The following SCRIB variants were observed in gnomAD, a reference collection of about 807,000 sequenced individuals.
SCRIB encodes protein scribble homolog.
SCRIB carries 72 observed loss-of-function variants against 170.0 expected under a neutral mutation model. The ratio of observed to expected loss-of-function variants is 0.42; its 90% CI spans 0.35 to 0.52. The LOEUF (loss-of-function observed/expected upper bound fraction) is 0.52. SCRIB is among the 20% of genes least tolerant of loss of function. The probability of loss-of-function intolerance (pLI) is 0.02; values close to 1 mark genes in which losing one functional copy is unlikely to be tolerated. For missense variants in SCRIB, 2,475 were observed against 2,338.5 expected (o/e 1.06, Z -1.20); for synonymous variants, 1,298 against 1,044.3 (o/e 1.24, Z -4.68).
At chr8:143,802,022 C>T (rs565692490) in intron 24 of SCRIB, among the ~76,000 whole-genome samples, 5 of 152,246 alleles carry the variant, frequency 3.3e-5, no homozygotes, top group Non-Finnish European at 5.9e-5. Flanking sequence ...TGAGGGAGCT[C>T]GCTCCCTCTC....
intron 34 of SCRIB, 67 bp downstream of exon 34, chr8:143,791,809 G>GA: frequency 6.8e-7 from 1 of 1,470,640 alleles, no homozygotes; most frequent in Non-Finnish European, 9.3e-7. Context: ...CCACGGGGGT[G>GA]GGGGCAGGCC....
rs782790749 is a variant in SCRIB, at chr8:143,805,000, G to A, written c.2685C>T (p.Ser895=). The A allele has an allele frequency of 1.9e-6, 3 of 1,586,450 alleles. No individual in the cohort carries two copies. Among genetic ancestry groups the A allele is most frequent in the South Asian group, 2.3e-5 (2 of 87,552 alleles). The change falls in exon 20 of 37, where the codon TCC becomes TCT. Residue 895 remains serine, a synonymous_variant. Transcript: ENST00000356994. ...GAGCAGCACCGCCCTCGGCAATGCG[G>A]GAGACGAAGATGCCCTGCAGGGGAG... ...YRAGDAGIFV[S]RIAEGGAAHR... is the part of the protein sequence containing the mutation.
intron 25 of SCRIB, 36 bp from the exon 26 acceptor site, chr8:143,795,369 C>A: frequency 6.2e-7 from 1 of 1,612,498 alleles, no homozygotes; most frequent in Non-Finnish European, 8.5e-7. Context: ...TCAGGCACCA[C>A]CGGCCTCGGG....
At chr8:143,799,934 G>C (rs1815105503) in intron 24 of SCRIB, among the ~76,000 whole-genome samples, 1 of 152,090 alleles carries the variant, frequency 6.6e-6, no homozygotes, top group African/African-American at 2.4e-5. Context: ...ACAGAACCCA[G>C]TGGGCAAACC....
At chr8:143,812,615 C>T (rs865923242) in intron 8 of SCRIB, among the ~76,000 whole-genome samples, 3 of 152,312 alleles carry the variant, frequency 2.0e-5, no homozygotes, top group Non-Finnish European at 4.4e-5. Flanking sequence ...GACTCCACCG[C>T]CCCCTCCAGC....
chr8:143,795,338 G>A lies in SCRIB; in HGVS notation c.3715-5C>T, dbSNP rs782545907. On this transcript the variant is annotated splice_region_variant and splice_polypyrimidine_tract_variant and intron_variant, in intron 25 of 36. Coordinates refer to ENST00000356994, the MANE Select transcript of SCRIB (RefSeq NM_182706.5). Reference sequence around the variant, plus strand: ...CTGTCCAGGCAGCTCCTTCTCCTGTGAGCAGAGCAGAGCAGACCCGTCAGG... The same window carrying A: ...CTGTCCAGGCAGCTCCTTCTCCTGTAAGCAGAGCAGAGCAGACCCGTCAGG... The A allele has an allele frequency of 5.6e-6, 9 of 1,612,174 alleles. No homozygotes were observed. Among genetic ancestry groups the A allele is most frequent in the Middle Eastern group, 3.3e-4 (2 of 6,002 alleles).
At chr8:143,793,855 C>G in intron 28 of SCRIB, 45 bp downstream of exon 28, 1 of 1,593,524 alleles carries the variant, frequency 6.3e-7, no homozygotes, top group Non-Finnish European at 8.6e-7. Context: ...ATCTGCCCTG[C>G]CCTCCACCCA....
chr8:143,802,046 A>G (rs1208499224), intron 24 of SCRIB, among the ~76,000 whole-genome samples: 1 of 152,202 alleles, frequency 6.6e-6, no homozygotes, highest in East Asian at 1.9e-4. Flanking sequence ...TAAAAACTTC[A>G]CGAGTAAATA....
At chr8:143,802,828 TGGAGTCCAGGAA>T (rs1554635228) in intron 24 of SCRIB, among the ~76,000 whole-genome samples, 1 of 152,236 alleles carries the variant, frequency 6.6e-6, no homozygotes, top group African/African-American at 2.4e-5. Flanking sequence ...GCTTCTGCTC[TGGAGTCCAGGAA>T]GGGACGGACC....
At chr8:143,803,229 G>T (rs1240929351) in intron 24 of SCRIB, among the ~76,000 whole-genome samples, 154 bp downstream of exon 24, 1 of 152,180 alleles carries the variant, frequency 6.6e-6, no homozygotes, top group African/African-American at 2.4e-5. Context: ...TCCGCCCACA[G>T]CTCCCCAGCC....
chr8:143,810,685 C>G lies in SCRIB; in HGVS notation c.1404+1G>C, dbSNP rs113732407. ...CGCCCCCCAGATCCTCACCCTCATA[C>G]CCGCTTCTCAGCTGCAGCTTCCTCA... is the stretch of plus-strand genomic sequence containing the variant. On this transcript the variant is annotated splice_donor_variant, in intron 12 of 36. Coordinates refer to ENST00000356994, the MANE Select transcript of SCRIB (RefSeq NM_182706.5). LOFTEE classifies it high-confidence loss of function. 1 of 1,603,228 alleles carries G rather than the reference C, an allele frequency of 6.2e-7. No individual in the cohort carries two copies. The highest frequency in any genetic ancestry group is 8.5e-7 in the Non-Finnish European group (1 of 1,172,440).
chr8:143,809,841 C>T (rs1459105428), intron 13 of SCRIB, 123 bp from the exon 14 acceptor site: 21 of 1,115,398 alleles, frequency 1.9e-5, no homozygotes, highest in South Asian at 2.9e-5. Context: ...GCACCGTTAA[C>T]GGGCTCACGC....
At position 143,812,837 on chromosome 8, in the gene SCRIB, C is replaced by T. The variant is rs373230226; in HGVS notation, c.767G>A (p.Arg256Gln). 48 of 1,602,636 alleles carry T rather than the reference C, an allele frequency of 3.0e-5. No individual in the cohort carries two copies. The highest frequency in any genetic ancestry group is 6.7e-5 in the East Asian group (3 of 44,862). The change falls in exon 8 of 37, where the codon CGG becomes CAG. Residue 256 changes from arginine (R) to glutamine (Q), a missense_variant. By Grantham distance (43) the Arg-to-Gln change is conservative. Around this residue, in one of 3 missense-constraint regions of SCRIB, gnomAD observed 487 missense variants for 558.1 expected, o/e 0.87. Coordinates refer to ENST00000356994, the MANE Select transcript of SCRIB (RefSeq NM_182706.5). ...CTAACCGATGCCGTCGGGCAGCCTC[C>T]GCAGCAGGTTCTGGGACAGCAGCAG... ...TDLLLSQNLL[R>Q]RLPDGIGQLK...
intron 24 of SCRIB, among the ~76,000 whole-genome samples, chr8:143,798,215 C>T (rs1815023562): frequency 1.3e-5 from 2 of 151,546 alleles, no homozygotes; most frequent in African/African-American, 4.9e-5. Flanking sequence ...GAGATCGTGC[C>T]ACTGCACTTC....
rs782693504 is a variant in SCRIB at position 143,804,643 on chromosome 8, G to A, written c.2934C>T (p.Thr978=). 2 of 1,537,394 alleles carry A rather than the reference G, an allele frequency of 1.3e-6. No individual in the cohort carries two copies. The highest frequency in any genetic ancestry group is 1.8e-6 in the Non-Finnish European group (2 of 1,141,768). The change falls in exon 21 of 37, where the codon ACC becomes ACT. Residue 978 remains threonine (T), a synonymous_variant. Coordinates refer to ENST00000356994, the MANE Select transcript of SCRIB (RefSeq NM_182706.5). ...GGCTCGGCAACCCAGGCACCCCGGGGGTGGCAGTGGTTATGCTGGTGGTGG... is the reference window on the plus strand; with the variant it reads ...GGCTCGGCAACCCAGGCACCCCGGGAGTGGCAGTGGTTATGCTGGTGGTGG... ...AVATTSITTA[T]PGVPGLPSLA...
chr8:143,791,160 C>CCAGA lies in SCRIB; in HGVS notation c.*2_*3insTCTG. On this transcript the variant is annotated 3_prime_UTR_variant, in exon 37 of 37. Coordinates refer to ENST00000356994, the MANE Select transcript of SCRIB (RefSeq NM_182706.5). ...CCCAAGTCTGGGGGAGGTGCCTGCT[C>CCAGA]CTCTAGGAGGGCACAGGGCCCAGGC... 7.1e-7 allele frequency: 1 copy of CCAGA among 1,418,032 alleles called. No homozygotes were observed. Among genetic ancestry groups the CCAGA allele is most frequent in the Non-Finnish European group, 9.2e-7 (1 of 1,085,006 alleles). 87.8% of individuals were successfully genotyped at this position (1,418,032 alleles called of 1,614,324 possible).
rs55794304 is a variant in SCRIB at position 143,811,314 on chromosome 8, T to G, written c.938A>C (p.Lys313Thr). 31 of 1,612,724 alleles carry G rather than the reference T, an allele frequency of 1.9e-5. No individual in the cohort carries two copies. Among genetic ancestry groups the G allele is most frequent in the Non-Finnish European group, 2.5e-5 (30 of 1,179,838 alleles). ...ALPRSLGKLTKLTNLNVDRNH... is the reference protein window; with the variant it reads ...ALPRSLGKLTTLTNLNVDRNH... ...CCGGTCCACGTTGAGGTTGGTCAGC[T>G]TAGTCAGCTTTCCCAGGGAGCGGGG... The change falls in exon 10 of 37, where the codon AAG becomes ACG. Residue 313 changes from lysine (K) to threonine (T), a missense_variant. Physicochemically the swap from Lys to Thr is moderately conservative, Grantham distance 78. Coordinates refer to ENST00000356994, the MANE Select transcript of SCRIB (RefSeq NM_182706.5).
chr8:143,802,928 AG>A (rs1554635242), intron 24 of SCRIB, among the ~76,000 whole-genome samples: 1 of 152,162 alleles, frequency 6.6e-6, no homozygotes, highest in African/African-American at 2.4e-5. Flanking sequence ...GTCATGGCCC[AG>A]GGATGGGCTG....
chr8:143,792,097 C>G lies in SCRIB; in HGVS notation c.4551G>C (p.Gln1517His). The change falls in exon 33 of 37, where the codon CAG becomes CAC. Residue 1517 changes from glutamine to histidine, a missense_variant. This residue lies in a region of SCRIB where 1,966 missense variants were observed against 1,742.9 expected (regional missense o/e 1.13). Coordinates refer to ENST00000356994, the MANE Select transcript of SCRIB (RefSeq NM_182706.5). The stretch of plus-strand genomic sequence containing the variant: ...CTTCCTGGGACCTGCTGAGGACCAT[C>G]TGTGCTCGGAGAGCGTCCTGTTCCA... ...KSLEQDALRA[Q>H]MVLSRSQEGR... 1 of 1,591,376 alleles carries G rather than the reference C, an allele frequency of 6.3e-7. No individual in the cohort carries two copies. The highest frequency in any genetic ancestry group is 8.5e-7 in the Non-Finnish European group (1 of 1,175,316).
Sources: gnomAD v4.1 joint callset for allele counts (sites outside exome capture counted in the v4.1 genomes callset) on GRCh38, gnomAD v4.1.1 for gene constraint, gnomAD v4.1.1 regional missense constraint, MANE v1.5 for transcripts, NCBI Gene and HGNC (gene_info 2026-07-23, HGNC 2026-07-21) for gene names.